The following PUDP variants were observed in gnomAD, a reference collection of about 807,000 sequenced individuals.
PUDP encodes pseudouridine-5'-phosphatase.
PUDP carries 8 observed loss-of-function variants against 9.4 expected under a neutral mutation model. The observed-to-expected ratio is 0.85, with a 90% CI of 0.50 to 1.53. The LOEUF is 1.53. Ranked by LOEUF, PUDP falls within the 40% of genes most tolerant of loss-of-function variation. The probability of loss-of-function intolerance (pLI) is 0.00; values close to 1 mark genes in which losing one functional copy is unlikely to be tolerated. For missense variants in PUDP, 188 were observed against 189.7 expected (o/e 0.99, Z 0.05); for synonymous variants, 99 against 80.7 (o/e 1.23, Z -1.22).
rs180824656 is a variant in PUDP, at chrX:7,002,513, C to A, written c.205-24170G>T. Among the ~76,000 whole-genome samples the A allele has an allele frequency of 2.6e-3, 293 of 111,722 alleles. 1 individual carries two copies. Among genetic ancestry groups the A allele is most frequent in the Non-Finnish European group, 3.9e-3 (209 of 53,104 alleles). On this transcript the variant is annotated intron_variant and NMD_transcript_variant, in intron 1 of 3. Coordinates refer to the PUDP transcript ENST00000655425. ...GTTGCCATGCTGTGAGTAACCCAAC[C>A]TTTTGGAGGGGAGAGTGGGTTATTA...
At chrX:6,772,023 A>G (rs1925372278) in intron 3 of PUDP, among the ~76,000 whole-genome samples, 1 of 112,576 alleles carries the variant, frequency 8.9e-6, no homozygotes, top group African/African-American at 3.2e-5. Flanking sequence ...AACTACCTTG[A>G]CATTTGTTTT....
At chrX:6,749,559 A>C (rs1424856230) in intron 3 of PUDP, among the ~76,000 whole-genome samples, 1 of 112,206 alleles carries the variant, frequency 8.9e-6, no homozygotes, top group Non-Finnish European at 1.9e-5. Context: ...CAGGGAAGAC[A>C]CTAAATGATT....
intron 3 of PUDP, among the ~76,000 whole-genome samples, chrX:6,913,835 CCT>C (rs766645031): frequency 9.0e-6 from 1 of 111,066 alleles, no homozygotes; most frequent in Admixed American, 9.6e-5. Flanking sequence ...ACTTTGTCCC[CCT>C]GTCTCCAATT....
intron 3 of PUDP, among the ~76,000 whole-genome samples, chrX:6,858,507 T>G (rs1315926648): frequency 9.2e-6 from 1 of 108,962 alleles, no homozygotes; most frequent in African/African-American, 3.3e-5. Context: ...TTTTAAAAAT[T>G]TTTTGTAGAG....
exon 2 of PUDP, among the ~76,000 whole-genome samples, chrX:6,978,316 C>T (rs1431248249): frequency 9.2e-6 from 1 of 108,640 alleles, no homozygotes; most frequent in Non-Finnish European, 1.9e-5. Context: ...GTCCCATCTT[C>T]AGTAGGAAAT....
chrX:6,997,630 A>T (rs1340827799), intron 1 of PUDP, among the ~76,000 whole-genome samples: 1 of 112,267 alleles, frequency 8.9e-6, no homozygotes, highest in Non-Finnish European at 1.9e-5. Context: ...TAAAATGAAC[A>T]AATGTTCTGA....
chrX:7,133,529 C>T (rs1310835730), intron 1 of PUDP, among the ~76,000 whole-genome samples: 18 of 112,132 alleles, frequency 1.6e-4, no homozygotes, highest in Non-Finnish European at 1.1e-4. Context: ...GCCCTCTGCA[C>T]CTAGCAGCAC....
At chrX:6,801,266 TA>T (rs1172630135) in intron 3 of PUDP, among the ~76,000 whole-genome samples, 2 of 112,442 alleles carry the variant, frequency 1.8e-5, no homozygotes, top group African/African-American at 6.5e-5. Context: ...GCCAAGGGTT[TA>T]AAAACCCACA....
intron 3 of PUDP, among the ~76,000 whole-genome samples, chrX:6,823,889 G>C (rs1926384068): frequency 8.9e-6 from 1 of 112,509 alleles, no homozygotes; most frequent in Non-Finnish European, 1.9e-5. Flanking sequence ...ATGGGAGTGC[G>C]TTTTAGCATG....
chrX:6,878,743 T>G (rs1927302745), intron 3 of PUDP, among the ~76,000 whole-genome samples: 1 of 107,542 alleles, frequency 9.3e-6, no homozygotes, highest in South Asian at 4.4e-4. Flanking sequence ...ATAAGATAAT[T>G]TACATCCAGT....
intron 3 of PUDP, among the ~76,000 whole-genome samples, chrX:6,761,913 G>A (rs1925232361): frequency 8.9e-6 from 1 of 112,188 alleles, no homozygotes; most frequent in Non-Finnish European, 1.9e-5. Flanking sequence ...CTGGCCAGGC[G>A]CAGTGGCTCA....
At chrX:7,016,248 G>A (rs1260082293) in intron 1 of PUDP, among the ~76,000 whole-genome samples, 2 of 111,016 alleles carry the variant, frequency 1.8e-5, no homozygotes, top group Non-Finnish European at 3.8e-5. Flanking sequence ...CGGGAGGACT[G>A]CTTGAAGCCA....
rs1293956894 is a variant in PUDP at position 6,946,991 on chromosome X, CTGTT to C, written c.*247+30138_*247+30141del. On this transcript the variant is annotated intron_variant and NMD_transcript_variant, in intron 3 of 3. Coordinates refer to the PUDP transcript ENST00000655425. ...TGTCTGTTTTTTTTTGTTTGTTTTTCTGTTTGTTTGTTTTTTTTTTTTTAATTGA... is the reference window on the plus strand; with the variant it reads ...TGTCTGTTTTTTTTTGTTTGTTTTTCTGTTTGTTTTTTTTTTTTTAATTGA... Among the ~76,000 whole-genome samples, 28 of 66,451 alleles carry C rather than the reference CTGTT, an allele frequency of 4.2e-4. 1 individual carries two copies. In the East Asian group the frequency reaches 0.014, roughly 34 times the overall value. The allele number at this position is 66,451 out of a possible 115,157, so 57.7% of individuals were successfully genotyped here. A position where few individuals can be genotyped will look rare whatever the true frequency, so the allele number is the denominator to read the frequency against.
In PUDP at chrX:6,821,985, C is replaced by T. The variant is rs565132455; in HGVS notation, c.*248-115519G>A. On this transcript the variant is annotated intron_variant and NMD_transcript_variant, in intron 3 of 3. Coordinates refer to the PUDP transcript ENST00000655425. Reference sequence around the variant, plus strand: ...CCTAGTCCAACCAATTTTTTGTGCTCTATGTAAATCAGACTTTACCTCCTC... The same window carrying T: ...CCTAGTCCAACCAATTTTTTGTGCTTTATGTAAATCAGACTTTACCTCCTC... Among the ~76,000 whole-genome samples the T allele has an allele frequency of 3.6e-5, 4 of 111,876 alleles. 1 individual carries two copies. In the South Asian group the frequency reaches 1.1e-3, roughly 32 times the overall value.
At chrX:6,928,861 A>G (rs887793737) in intron 3 of PUDP, among the ~76,000 whole-genome samples, 3 of 111,511 alleles carry the variant, frequency 2.7e-5, no homozygotes, top group Non-Finnish European at 5.6e-5. Flanking sequence ...TCGTGCCACC[A>G]CTGCACTCCA....
At chrX:6,775,777 C>T in intron 3 of PUDP, among the ~76,000 whole-genome samples, 1 of 111,031 alleles carries the variant, frequency 9.0e-6, no homozygotes, top group Admixed American at 9.6e-5. Flanking sequence ...AGAGCTCCCT[C>T]ACCTCTTCCA....
intron 2 of PUDP, among the ~76,000 whole-genome samples, chrX:7,088,153 A>G (rs1394550342): frequency 8.9e-6 from 1 of 112,635 alleles, no homozygotes; most frequent in Non-Finnish European, 1.9e-5. Context: ...AGACAAAGTA[A>G]TATAGAGAGT....
At chrX:6,862,499 T>C (rs1398564076) in intron 3 of PUDP, among the ~76,000 whole-genome samples, 1 of 112,399 alleles carries the variant, frequency 8.9e-6, no homozygotes, top group Non-Finnish European at 1.9e-5. Context: ...TTTCATGTCA[T>C]TTTAAAGCAC....
intron 1 of PUDP, among the ~76,000 whole-genome samples, chrX:7,025,323 C>T (rs1278665591): frequency 8.9e-6 from 1 of 112,103 alleles, no homozygotes; most frequent in Non-Finnish European, 1.9e-5. Context: ...CTCACTGGAA[C>T]TTCCATTTCC....
Sources: gnomAD v4.1 joint callset for allele counts (sites outside exome capture counted in the v4.1 genomes callset) on GRCh38, gnomAD v4.1.1 for gene constraint, MANE v1.5 for transcripts, NCBI Gene and HGNC (gene_info 2026-07-23, HGNC 2026-07-21) for gene names.